The following RABL3 variants were observed in gnomAD, a reference collection of about 807,000 sequenced individuals.
RABL3 encodes RAB, member of RAS oncogene family like 3, also known as rab-like protein 3.
In RABL3, 31 loss-of-function variants were observed where a neutral mutation model predicts 31.8. The ratio of observed to expected loss-of-function variants is 0.97; its 90% CI spans 0.73 to 1.31. The LOEUF is 1.31. Among genes scored for constraint, RABL3 ranks in the 40% most tolerant of loss-of-function variants. The pLI is 0.00. For missense variants in RABL3, 263 were observed against 279.6 expected (o/e 0.94, Z 0.42); for synonymous variants, 97 against 99.9 (o/e 0.97, Z 0.18).
chr3:120,694,228 G>T lies in RABL3; in HGVS notation c.535-4C>A. On this transcript the variant is annotated splice_region_variant and splice_polypyrimidine_tract_variant and intron_variant, in intron 5 of 7. Coordinates refer to ENST00000273375, the MANE Select transcript of RABL3 (RefSeq NM_173825.5). ...AGTACCGTGGATTTGTGCAGTCCTA[G>T]AAGATAAAACATAAGATCCACAATT... is the stretch of plus-strand genomic sequence containing the variant. 1 of 1,601,530 alleles carries T rather than the reference G, an allele frequency of 6.2e-7. No individual in the cohort carries two copies. Among genetic ancestry groups the T allele is most frequent in the Non-Finnish European group, 8.5e-7 (1 of 1,170,656 alleles).
intron 2 of RABL3, among the ~76,000 whole-genome samples, chr3:120,722,893 G>A (rs1159792289): frequency 1.3e-5 from 2 of 151,438 alleles, no homozygotes; most frequent in Admixed American, 6.6e-5. Flanking sequence ...AAGAACTAGA[G>A]AAGCAAGAGC....
At chr3:120,709,267 C>T (rs1341924057) in intron 3 of RABL3, among the ~76,000 whole-genome samples, 1 of 152,006 alleles carries the variant, frequency 6.6e-6, no homozygotes, top group Non-Finnish European at 1.5e-5. Flanking sequence ...TGGAAGTCTG[C>T]TCCAGGTATT....
chr3:120,709,410 A>G (rs1012273370), intron 3 of RABL3, among the ~76,000 whole-genome samples: 44 of 152,158 alleles, frequency 2.9e-4, no homozygotes, highest in African/African-American at 1.1e-3. Context: ...TCTCTGTGTT[A>G]TCTGGCTTAA....
chr3:120,727,198 C>T (rs1337605297), intron 2 of RABL3, among the ~76,000 whole-genome samples: 6 of 152,008 alleles, frequency 3.9e-5, no homozygotes, highest in Non-Finnish European at 2.9e-5. Context: ...AACAAACATA[C>T]AATAGAGAAA....
intron 4 of RABL3, among the ~76,000 whole-genome samples, chr3:120,700,148 T>C (rs954502082): frequency 2.0e-5 from 3 of 152,168 alleles, no homozygotes; most frequent in African/African-American, 7.2e-5. Flanking sequence ...ATTTAAAATT[T>C]AATCTTGAAA....
Position 120,713,889 on chromosome 3 carries a change from C to A in RABL3, c.139-3980G>T, listed in dbSNP as rs1002633656. 4.0e-5 allele frequency among the ~76,000 whole-genome samples: 6 copies of A among 148,632 alleles called. 1 individual carries two copies. In the East Asian group the frequency reaches 1.2e-3, roughly 30 times the overall value. ...GCAGTGGCATGATTTCAGCTCACTG[C>A]AACCTCCGCCTCCCTGGGTTCAGCG... On this transcript the variant is annotated intron_variant, in intron 2 of 7. Coordinates refer to ENST00000273375, the MANE Select transcript of RABL3 (RefSeq NM_173825.5).
At chr3:120,737,923 G>A (rs962687658) in intron 1 of RABL3, among the ~76,000 whole-genome samples, 2 of 152,222 alleles carry the variant, frequency 1.3e-5, no homozygotes, top group Non-Finnish European at 2.9e-5. Context: ...CATGTGAGGT[G>A]TCAGTCTGCC....
At chr3:120,701,338 C>T (rs1488434762) in intron 4 of RABL3, among the ~76,000 whole-genome samples, 2 of 152,030 alleles carry the variant, frequency 1.3e-5, no homozygotes, top group Non-Finnish European at 2.9e-5. Context: ...TTTTTTGATG[C>T]TATACAATAA....
intron 1 of RABL3, among the ~76,000 whole-genome samples, chr3:120,738,986 T>C (rs1031258324): frequency 6.6e-6 from 1 of 152,184 alleles, no homozygotes; most frequent in Non-Finnish European, 1.5e-5. Context: ...CATGGGGTTA[T>C]ACTGCCACCA....
At position 120,742,472 on chromosome 3, in the gene RABL3, C is replaced by T; in HGVS notation, c.36G>A (p.Leu12=). 3.1e-6 allele frequency: 5 copies of T among 1,614,170 alleles called. No individual in the cohort carries two copies. The highest frequency in any genetic ancestry group is 3.3e-5 in the Admixed American group (2 of 60,022). The part of the protein sequence containing the change: ...ASLDRVKVLV[L]GDSGVGKSSL... ...GGGTAAGCCGCTCACCTGAGTCTCC[C>T]AACACCAGTACCTTCACCCGATCCA... is the stretch of plus-strand genomic sequence containing the variant. Residue 12 remains leucine (L), a synonymous_variant, in exon 1 of 8, where the codon TTG becomes TTA. Transcript: ENST00000273375.
intron 2 of RABL3, among the ~76,000 whole-genome samples, chr3:120,721,291 A>C (rs1213457332): frequency 1.3e-5 from 2 of 152,206 alleles, no homozygotes; most frequent in Non-Finnish European, 2.9e-5. Flanking sequence ...CGAGCAAAAT[A>C]ACCAGCTAAC....
At chr3:120,719,261 T>C (rs1708706973) in intron 2 of RABL3, among the ~76,000 whole-genome samples, 1 of 152,134 alleles carries the variant, frequency 6.6e-6, no homozygotes, top group African/African-American at 2.4e-5. Flanking sequence ...AGTCTACAGC[T>C]CCCAGCGTGA....
At chr3:120,711,714 T>C (rs1041598949) in intron 2 of RABL3, among the ~76,000 whole-genome samples, 8 of 152,186 alleles carry the variant, frequency 5.3e-5, no homozygotes, top group Non-Finnish European at 1.0e-4. Flanking sequence ...TGCTGGTTCA[T>C]GAGTACACAT....
At chr3:120,723,032 A>C (rs1480207055) in intron 2 of RABL3, among the ~76,000 whole-genome samples, 3 of 152,224 alleles carry the variant, frequency 2.0e-5, no homozygotes, top group Admixed American at 6.5e-5. Flanking sequence ...AAAGATCAAC[A>C]AAATTGATAG....
In RABL3 at chr3:120,698,455, C is replaced by T; in HGVS notation, c.502G>A (p.Ala168Thr). The change falls in exon 5 of 8, where the codon GCT becomes ACT. Residue 168 changes from alanine to threonine, a missense_variant. Transcript: ENST00000273375. ...HEVLTRTAFL[A>T]EDFNPEEINL... is the part of the protein sequence containing the mutation. ...ATTTCTTCTGGATTGAAATCCTCAG[C>T]CAGGAAAGCAGTCCTAGTTAAAACT... 6.2e-7 allele frequency: 1 copy of T among 1,613,772 alleles called. No homozygotes were observed. Among genetic ancestry groups the T allele is most frequent in the Non-Finnish European group, 8.5e-7 (1 of 1,179,870 alleles).
At chr3:120,695,190 C>G (rs2107575597) in intron 5 of RABL3, among the ~76,000 whole-genome samples, 1 of 152,142 alleles carries the variant, frequency 6.6e-6, no homozygotes, top group African/African-American at 2.4e-5. Flanking sequence ...CCACATGATT[C>G]CTTTCTAATG....
intron 2 of RABL3, among the ~76,000 whole-genome samples, chr3:120,728,503 G>T (rs926883950): frequency 6.6e-6 from 1 of 152,080 alleles, no homozygotes; most frequent in Non-Finnish European, 1.5e-5. Context: ...TCCAGAACTT[G>T]CTATTGGGTC....
intron 1 of RABL3, among the ~76,000 whole-genome samples, chr3:120,734,667 A>G (rs1708932607): frequency 6.6e-6 from 1 of 152,192 alleles, no homozygotes; most frequent in Non-Finnish European, 1.5e-5. Context: ...TCAGTATCAT[A>G]CTGGCTGTGG....
At chr3:120,709,697 G>T in intron 3 of RABL3, 83 bp downstream of exon 3, 1 of 1,015,022 alleles carries the variant, frequency 9.9e-7, no homozygotes, top group Non-Finnish European at 1.5e-6. Flanking sequence ...ATTAAGATGA[G>T]TCTGGCATGC....
Sources: allele counts gnomAD v4.1 joint callset (sites outside exome capture counted in the v4.1 genomes callset), GRCh38; gene constraint gnomAD v4.1.1; transcripts MANE v1.5; gene names NCBI Gene and HGNC (gene_info 2026-07-23, HGNC 2026-07-21).